Variants in APLF observed in about 807,000 individuals in gnomAD.
APLF encodes aprataxin and PNKP like factor.
A neutral mutation model predicts 55.6 loss-of-function variants in APLF; 61 were observed. The observed-to-expected ratio is 1.10, with a 90% CI of 0.89 to 1.36. APLF has a LOEUF of 1.36. Among genes scored for constraint, APLF ranks in the 40% most tolerant of loss-of-function variants. APLF has a pLI of 0.00. For synonymous variants in APLF, 207 were observed against 214.8 expected (o/e 0.96, Z 0.32); for missense variants, 611 against 602.5 (o/e 1.01, Z -0.15).
At chr2:68,504,134 A>G (rs1676804073) in intron 3 of APLF, among the ~76,000 whole-genome samples, 2 of 152,038 alleles carry the variant, frequency 1.3e-5, no homozygotes, top group African/African-American at 2.4e-5. Flanking sequence ...TGCAGGAAAA[A>G]TAGAAATCTG....
intron 2 of APLF, 75 bp downstream of exon 2, chr2:68,490,336 T>G (rs1047699591): frequency 1.6e-6 from 2 of 1,250,158 alleles, no homozygotes; most frequent in South Asian, 2.7e-5. Flanking sequence ...GTGCCTATTT[T>G]CTAAGGTTAT....
At chr2:68,519,112 AAT>A (rs1188323399) in intron 5 of APLF, among the ~76,000 whole-genome samples, 1 of 134,056 alleles carries the variant, frequency 7.5e-6, no homozygotes, top group Non-Finnish European at 1.6e-5. Context: ...TATAATATAT[AAT>A]ATATAAAACA....
intron 1 of APLF, among the ~76,000 whole-genome samples, chr2:68,479,008 A>G (rs760617891): frequency 1.1e-4 from 17 of 152,230 alleles, no homozygotes; most frequent in Non-Finnish European, 2.1e-4. Flanking sequence ...GTACCTTGCC[A>G]GTAAGAGACT....
At chr2:68,507,905 C>T in intron 3 of APLF, among the ~76,000 whole-genome samples, 1 of 151,370 alleles carries the variant, frequency 6.6e-6, no homozygotes, top group African/African-American at 2.4e-5. Flanking sequence ...TGTTGAAAAT[C>T]TAAGTATGTA....
intron 1 of APLF, among the ~76,000 whole-genome samples, chr2:68,471,450 T>C (rs1675613687): frequency 6.6e-6 from 1 of 152,184 alleles, no homozygotes; most frequent in African/African-American, 2.4e-5. Flanking sequence ...ACTTATAGTT[T>C]TGTAGGGTTA....
intron 8 of APLF, among the ~76,000 whole-genome samples, chr2:68,552,360 C>A (rs1670891344): frequency 6.6e-6 from 1 of 152,062 alleles, no homozygotes; most frequent in Non-Finnish European, 1.5e-5. Context: ...TATGAGAGCT[C>A]TTTCTTTGAA....
At chr2:68,574,558 T>G (rs1344826495) in intron 9 of APLF, among the ~76,000 whole-genome samples, 1 of 152,228 alleles carries the variant, frequency 6.6e-6, no homozygotes, top group Non-Finnish European at 1.5e-5. Flanking sequence ...GGATTACATT[T>G]GGCTACTAGC....
At chr2:68,470,520 T>C (rs1573136910) in intron 1 of APLF, among the ~76,000 whole-genome samples, 1 of 152,332 alleles carries the variant, frequency 6.6e-6, no homozygotes, top group African/African-American at 2.4e-5. Flanking sequence ...TTCAACTACA[T>C]GTGAATCTAC....
In APLF at chr2:68,467,806, C is replaced by G; in HGVS notation, c.75C>G (p.Ile25Met). 4 of 1,233,664 alleles carry G rather than the reference C, an allele frequency of 3.2e-6. No homozygotes were observed. The highest frequency in any genetic ancestry group is 3.2e-5 in the East Asian group (1 of 31,704). The allele number at this position is 1,233,664 out of a possible 1,614,324, so 76.4% of individuals were successfully genotyped here. A position where few individuals can be genotyped will look rare whatever the true frequency, so the allele number is the denominator to read the frequency against. The change falls in exon 1 of 10, where the codon ATC (isoleucine) becomes ATG (methionine). Residue 25 changes from isoleucine to methionine, a missense_variant. Coordinates refer to ENST00000303795, the MANE Select transcript of APLF (RefSeq NM_173545.3). ...RVALAPGETVIGRGPLLGITD... is the reference protein window; with the variant it reads ...RVALAPGETVMGRGPLLGITD... ...CCCTGGCGCCCGGGGAGACGGTGAT[C>G]GGCCGCGGGCCGCTGCTGGGAGTAA...
chr2:68,508,082 A>G (rs1225254750), intron 3 of APLF, among the ~76,000 whole-genome samples: 3 of 151,820 alleles, frequency 2.0e-5, no homozygotes, highest in Admixed American at 6.6e-5. Context: ...CATATTTTAT[A>G]TTAAAGATAT....
At chr2:68,487,687 G>T (rs917322652) in intron 1 of APLF, among the ~76,000 whole-genome samples, 7 of 152,080 alleles carry the variant, frequency 4.6e-5, no homozygotes, top group Middle Eastern at 3.2e-3. Flanking sequence ...AGGATAATCT[G>T]TTTGTCACTT....
At chr2:68,554,123 A>T (rs1322797773) in intron 8 of APLF, among the ~76,000 whole-genome samples, 2 of 152,098 alleles carry the variant, frequency 1.3e-5, no homozygotes, top group South Asian at 2.1e-4. Flanking sequence ...GCAAGTATGT[A>T]AACATAAAAA....
intron 2 of APLF, among the ~76,000 whole-genome samples, chr2:68,490,610 T>A (rs1468501733): frequency 2.6e-5 from 4 of 152,302 alleles, no homozygotes; most frequent in Admixed American, 6.5e-5. Context: ...GTAACTTAAA[T>A]GTTATAGGGT....
chr2:68,472,331 C>A (rs760484362), intron 1 of APLF, among the ~76,000 whole-genome samples: 9 of 152,040 alleles, frequency 5.9e-5, no homozygotes, highest in Non-Finnish European at 1.2e-4. Flanking sequence ...CAGGACAGTT[C>A]CAAGGTATGG....
chr2:68,554,915 AGGCCATAGTCACC>A (rs1670962408), intron 8 of APLF, among the ~76,000 whole-genome samples: 1 of 152,134 alleles, frequency 6.6e-6, no homozygotes, highest in Non-Finnish European at 1.5e-5. Context: ...CTATGCGATA[AGGCCATAGTCACC>A]AAAACACCAT....
At chr2:68,551,678 A>G (rs962123618) in intron 8 of APLF, among the ~76,000 whole-genome samples, 1 of 84,964 alleles carries the variant, frequency 1.2e-5, no homozygotes, top group African/African-American at 4.8e-5. Flanking sequence ...CCAATTTTCT[A>G]CTCTTTTTTA....
chr2:68,501,986 T>A (rs535792568), intron 2 of APLF, among the ~76,000 whole-genome samples: 1 of 152,146 alleles, frequency 6.6e-6, no homozygotes, highest in Non-Finnish European at 1.5e-5. Flanking sequence ...TTTTGCTGCA[T>A]CATAACGTGG....
chr2:68,545,107 G>T, intron 7 of APLF, 80 bp from the exon 8 acceptor site: 1 of 1,515,720 alleles, frequency 6.6e-7, no homozygotes, highest in African/African-American at 1.4e-5. Context: ...GATGTGGATT[G>T]TCTGGTTTCC....
chr2:68,578,916 A>G lies in APLF; in HGVS notation c.*894A>G, dbSNP rs536748907. On this transcript the variant is annotated 3_prime_UTR_variant, in exon 10 of 10. Transcript: ENST00000303795. ...ATCAAGAAGAAACCACTTATTCTCCAGTTTTACAAAGTATCTTTCTGTATT... is the reference window on the plus strand; with the variant it reads ...ATCAAGAAGAAACCACTTATTCTCCGGTTTTACAAAGTATCTTTCTGTATT... The G allele has an allele frequency of 3.6e-5, 35 of 985,322 alleles. No homozygotes were observed. In the South Asian group the frequency reaches 1.4e-3, roughly 40 times the overall value. The allele number at this position is 985,322 out of a possible 1,614,324, so 61.0% of individuals were successfully genotyped here.
Sources: allele counts gnomAD v4.1 joint callset (sites outside exome capture counted in the v4.1 genomes callset), GRCh38; gene constraint gnomAD v4.1.1; transcripts MANE v1.5; gene names NCBI Gene and HGNC (gene_info 2026-07-23, HGNC 2026-07-21).